Variants in PALM2AKAP2 observed in about 807,000 individuals in gnomAD.
PALM2AKAP2 encodes the protein PALM2 and AKAP2 fusion, also known as PALM2-AKAP2 fusion protein.
PALM2AKAP2 carries 37 observed loss-of-function variants against 71.5 expected under a neutral mutation model. That is an observed-to-expected ratio of 0.52 (90% CI 0.40 to 0.68). The LOEUF (loss-of-function observed/expected upper bound fraction) is 0.68. Ranked by LOEUF, PALM2AKAP2 falls within the 30% of genes least tolerant of loss-of-function variation. The pLI, the probability that PALM2AKAP2 is intolerant of heterozygous loss-of-function variation, is 0.00. For missense variants in PALM2AKAP2, 1,224 were observed against 1,191.8 expected, an observed-to-expected ratio of 1.03 and a Z score of -0.40; for synonymous variants, 468 against 478.8, an observed-to-expected ratio of 0.98 and a Z score of 0.29.
At chr9:109,706,112 T>C (rs1208135110) in intron 1 of PALM2AKAP2, among the ~76,000 whole-genome samples, 1 of 152,184 alleles carries the variant, frequency 6.6e-6, no homozygotes, top group Non-Finnish European at 1.5e-5. Flanking sequence ...ATTTAACTGG[T>C]TTGAAATTTT....
At chr9:109,929,961 C>T (rs1345679469) in intron 5 of PALM2AKAP2, among the ~76,000 whole-genome samples, 5 of 151,946 alleles carry the variant, frequency 3.3e-5, no homozygotes, top group African/African-American at 1.2e-4. Flanking sequence ...TCACTCACAG[C>T]CCCTGACTCA....
intron 2 of PALM2AKAP2, among the ~76,000 whole-genome samples, chr9:110,149,769 G>A (rs1836266246): frequency 6.6e-6 from 1 of 152,188 alleles, no homozygotes; most frequent in African/African-American, 2.4e-5. Flanking sequence ...GCAACATAGT[G>A]AGACCTTGTC....
At chr9:109,667,496 C>G in intron 1 of PALM2AKAP2, among the ~76,000 whole-genome samples, 2 of 152,270 alleles carry the variant, frequency 1.3e-5, no homozygotes, top group South Asian at 4.2e-4. Context: ...ACCTTTTAAA[C>G]GAATGTAACC....
intron 6 of PALM2AKAP2, among the ~76,000 whole-genome samples, chr9:109,971,182 A>T (rs2132154015): frequency 6.6e-6 from 1 of 150,528 alleles, no homozygotes; most frequent in African/African-American, 2.4e-5. Context: ...GCCTAGAACC[A>T]TGCCTGGCAC....
chr9:109,876,592 G>C (rs952156042), intron 2 of PALM2AKAP2, among the ~76,000 whole-genome samples: 2 of 152,180 alleles, frequency 1.3e-5, no homozygotes, highest in Admixed American at 1.3e-4. Flanking sequence ...CAATTCTCCT[G>C]CCTCAGCCTC....
At chr9:109,713,407 C>T (rs772001004) in intron 1 of PALM2AKAP2, among the ~76,000 whole-genome samples, 1 of 152,068 alleles carries the variant, frequency 6.6e-6, no homozygotes, top group Non-Finnish European at 1.5e-5. Context: ...CATGCATGAT[C>T]ATTTTATAAT....
At chr9:109,761,437 C>T (rs971902352) in intron 1 of PALM2AKAP2, among the ~76,000 whole-genome samples, 3 of 152,104 alleles carry the variant, frequency 2.0e-5, no homozygotes, top group African/African-American at 7.2e-5. Flanking sequence ...GTACATGTGC[C>T]ATGGTGGTTT....
intron 3 of PALM2AKAP2, among the ~76,000 whole-genome samples, chr9:109,921,028 T>C (rs1330379065): frequency 1.3e-5 from 2 of 152,230 alleles, no homozygotes; most frequent in Admixed American, 1.3e-4. Flanking sequence ...GCTGAACATC[T>C]GGACCAGCAA....
chr9:109,913,192 A>G (rs759594501), intron 3 of PALM2AKAP2, among the ~76,000 whole-genome samples: 4 of 152,234 alleles, frequency 2.6e-5, no homozygotes, highest in Non-Finnish European at 5.9e-5. Context: ...TTCCCACCAC[A>G]TAACTGAAAC....
chr9:110,032,789 A>G (rs1385734829), intron 7 of PALM2AKAP2, among the ~76,000 whole-genome samples: 2 of 151,700 alleles, frequency 1.3e-5, no homozygotes, highest in African/African-American at 4.8e-5. Context: ...AAAAACAAAC[A>G]AACTAGCCAG....
upstream of PALM2AKAP2, chr9:109,780,389 G>C (rs975727747): frequency 2.2e-5 from 35 of 1,606,784 alleles, no homozygotes; most frequent in Non-Finnish European, 2.9e-5. Context: ...GTTCTCCCGG[G>C]TTCTAGCAAA....
intron 1 of PALM2AKAP2, among the ~76,000 whole-genome samples, chr9:109,851,209 CAAAAAAA>C (rs56938333): frequency 0.024 from 3,547 of 144,972 alleles, 143 homozygotes; most frequent in African/African-American, 0.087. Flanking sequence ...ACAACAACAA[CAAAAAAA>C]AAAAAACACT....
intron 3 of PALM2AKAP2, among the ~76,000 whole-genome samples, chr9:109,884,324 T>C (rs1221547308): frequency 6.6e-6 from 1 of 152,000 alleles, no homozygotes; most frequent in East Asian, 1.9e-4. Context: ...TAGATGAGTG[T>C]GGTGATGGTC....
chr9:110,091,779 T>C (rs1308097034), intron 1 of PALM2AKAP2, among the ~76,000 whole-genome samples: 1 of 152,210 alleles, frequency 6.6e-6, no homozygotes, highest in Non-Finnish European at 1.5e-5. Context: ...ATTTATTTTT[T>C]ACTTACACAT....
At chr9:110,125,237 G>C (rs182527307) in intron 1 of PALM2AKAP2, among the ~76,000 whole-genome samples, 1 of 152,288 alleles carries the variant, frequency 6.6e-6, no homozygotes, top group East Asian at 1.9e-4. Context: ...GAATTGCCGA[G>C]AAGACAGTGG....
chr9:109,977,675 A>G lies in PALM2AKAP2; in HGVS notation c.497-38279A>G, dbSNP rs73524669. On this transcript the variant is annotated intron_variant, in intron 6 of 9. Coordinates refer to the PALM2AKAP2 transcript ENST00000302798. ...GAAAAACTGACATTTACTGACATAC[A>G]TATCCTGATCACAGGAAGAGCAAGG... Among the ~76,000 whole-genome samples, 1,027 of 152,342 alleles carry G rather than the reference A, an allele frequency of 6.7e-3. 10 individuals carry two copies. Among genetic ancestry groups the G allele is most frequent in the African/African-American group, 0.023 (937 of 41,582 alleles).
intron 1 of PALM2AKAP2, among the ~76,000 whole-genome samples, chr9:109,827,878 A>G (rs2418052): frequency 0.11 from 17,344 of 152,170 alleles, 1,549 homozygotes; most frequent in African/African-American, 0.25. Flanking sequence ...ACAAAAGGGA[A>G]AAAAGGTCTC....
At chr9:109,914,846 C>A (rs1200027610) in intron 3 of PALM2AKAP2, among the ~76,000 whole-genome samples, 1 of 152,158 alleles carries the variant, frequency 6.6e-6, no homozygotes, top group Non-Finnish European at 1.5e-5. Flanking sequence ...TTGCGTAAGC[C>A]TTTTTCAGAA....
At chr9:110,041,377 A>G (rs968974351) in intron 7 of PALM2AKAP2, among the ~76,000 whole-genome samples, 5 of 152,056 alleles carry the variant, frequency 3.3e-5, no homozygotes, top group Admixed American at 6.6e-5. Context: ...TGTTATGTCA[A>G]TGTCGAGAAG....
Sources: allele counts gnomAD v4.1 joint callset (sites outside exome capture counted in the v4.1 genomes callset), GRCh38; gene constraint gnomAD v4.1.1; transcripts MANE v1.5; gene names NCBI Gene and HGNC (gene_info 2026-07-23, HGNC 2026-07-21).